Variants in C16orf90 observed in about 807,000 individuals in gnomAD.
C16orf90 encodes the protein chromosome 16 open reading frame 90, also known as uncharacterized protein C16orf90.
C16orf90 carries 17 observed loss-of-function variants against 17.1 expected under a neutral mutation model. The ratio of observed to expected loss-of-function variants is 1.00; its 90% confidence interval spans 0.68 to 1.49. C16orf90 has a LOEUF of 1.49. Among genes scored for constraint, C16orf90 ranks in the 40% most tolerant of loss-of-function variants. The pLI is 0.00. For synonymous variants in C16orf90, 108 were observed against 95.8 expected, an observed-to-expected ratio of 1.13 and a Z score of -0.75; for missense variants, 255 against 235.5, an observed-to-expected ratio of 1.08 and a Z score of -0.54.
rs1596374930 is a variant in C16orf90, at chr16:3,493,649, G to T, written c.*190C>A. On this transcript the variant is annotated 3_prime_UTR_variant, in exon 3 of 3. Transcript: ENST00000437192. ...GCACGGCCATGCTTCTATTGCTTCT[G>T]CCCCTCCCTCGGAACCTCCTCCTCC... The T allele has an allele frequency of 3.9e-6, 2 of 510,840 alleles. No individual in the cohort carries two copies. The highest frequency in any genetic ancestry group is 3.1e-5 in the Admixed American group (1 of 32,158). 31.6% of individuals were successfully genotyped at this position (510,840 alleles called of 1,614,324 possible).
At chr16:3,495,327 G>A (rs1409735422) in intron 1 of C16orf90, 49 bp downstream of exon 1, 5 of 1,571,286 alleles carry the variant, frequency 3.2e-6, no homozygotes, top group South Asian at 1.2e-5. Context: ...GCCCAGGTGG[G>A]GACAGAAGCC....
At chr16:3,496,261 C>A, upstream of C16orf90, 1 of 711,454 alleles carries the variant, frequency 1.4e-6, no homozygotes, top group Non-Finnish European at 2.5e-6. Context: ...GCCCAAGAGC[C>A]AGGATATCTA....
At chr16:3,495,925 G>A (rs1170968016), upstream of C16orf90, among the ~76,000 whole-genome samples, 2 of 152,124 alleles carry the variant, frequency 1.3e-5, no homozygotes, top group Non-Finnish European at 2.9e-5. Context: ...CGGATCATGA[G>A]GTCAGGAGAT....
Position 3,493,515 on chromosome 16 carries a change from T to C in C16orf90, c.*324A>G, listed in dbSNP as rs1478828665. 1 of 237,690 alleles carries C rather than the reference T, an allele frequency of 4.2e-6. No homozygotes were observed. Among genetic ancestry groups the C allele is most frequent in the Admixed American group, 4.5e-5 (1 of 22,058 alleles). The allele number at this position is 237,690 out of a possible 1,614,324, so 14.7% of individuals were successfully genotyped here. A position where few individuals can be genotyped will look rare whatever the true frequency, so the allele number is the denominator to read the frequency against. ...CCTTGGCTTTTATTGAGATCAGAGC[T>C]GTGGGCTCCCCGGCCTCTCAGGGAG... On this transcript the variant is annotated 3_prime_UTR_variant, in exon 3 of 3. Coordinates refer to ENST00000437192, the MANE Select transcript of C16orf90 (RefSeq NM_001080524.2).
rs747438619 is a variant in C16orf90, at chr16:3,494,820, T to C, written c.104A>G (p.Tyr35Cys). The C allele has an allele frequency of 4.5e-6, 7 of 1,565,188 alleles. No homozygotes were observed. Among genetic ancestry groups the C allele is most frequent in the African/African-American group, 1.4e-5 (1 of 72,904 alleles). Residue 35 changes from tyrosine to cysteine, a missense_variant, in exon 2 of 3, where the codon TAC becomes TGC. Coordinates refer to ENST00000437192, the MANE Select transcript of C16orf90 (RefSeq NM_001080524.2). ...CTGCGGGGACCCCAGGCCCCCCTCGTAGATGTTGGGGGGTGCGTCAGGGTG... is the reference window on the plus strand; with the variant it reads ...CTGCGGGGACCCCAGGCCCCCCTCGCAGATGTTGGGGGGTGCGTCAGGGTG... Reference protein sequence around the residue: ...PGHPDAPPNIYEGGLGSPQPQ... With the variant: ...PGHPDAPPNICEGGLGSPQPQ...
upstream of C16orf90, chr16:3,495,501 T>G (rs771039075): frequency 1.5e-5 from 24 of 1,563,186 alleles, no homozygotes; most frequent in African/African-American, 2.8e-4. Flanking sequence ...GGGGGTACAT[T>G]GGCAGGTCTC....
rs927446304 is a variant in C16orf90 at position 3,495,412 on chromosome 16, A to G, written c.10T>C (p.Leu4=). The G allele has an allele frequency of 1.2e-6, 2 of 1,610,382 alleles. No individual in the cohort carries two copies. Among genetic ancestry groups the G allele is most frequent in the African/African-American group, 2.7e-5 (2 of 74,874 alleles). Residue 4 remains leucine (L), a synonymous_variant, in exon 1 of 3, where the codon TTG becomes CTG. Transcript: ENST00000437192. The part of the protein sequence containing the change: MEA[L]VCAFSELHIR... ...TGCAGCTCAGAAAATGCACAGACCA[A>G]GGCTTCCATGGAGGGCCAGTGTGGT...
rs1032090342 is a variant in C16orf90, at chr16:3,494,729, C to T, written c.195G>A (p.Leu65=). The T allele has an allele frequency of 1.2e-6, 2 of 1,607,252 alleles. No individual in the cohort carries two copies. Among genetic ancestry groups the T allele is most frequent in the Admixed American group, 3.4e-5 (2 of 59,506 alleles). The change falls in exon 2 of 3, where the codon CTG becomes CTA. Residue 65 remains leucine (L), a synonymous_variant. Transcript: ENST00000437192. ...KNFRLRHLRG[L]GLYLESHPPP... ...GCGGGTGGCTCTCCAGGTAGAGGCC[C>T]AGGCCCCGGAGGTGGCGCAGCCGGA... is the stretch of plus-strand genomic sequence containing the variant.
At position 3,494,888 on chromosome 16, in the gene C16orf90, G is replaced by T; in HGVS notation, c.47-11C>A. On this transcript the variant is annotated splice_polypyrimidine_tract_variant and intron_variant, in intron 1 of 2. Coordinates refer to ENST00000437192, the MANE Select transcript of C16orf90 (RefSeq NM_001080524.2). ...CCTGGCTCACTGCATCTGCAGAGGAGACAGCGGGAGGGTGGTGGCCAGCCC... is the reference window on the plus strand; with the variant it reads ...CCTGGCTCACTGCATCTGCAGAGGATACAGCGGGAGGGTGGTGGCCAGCCC... 2.0e-6 allele frequency: 3 copies of T among 1,497,428 alleles called. No homozygotes were observed. In the East Asian group the frequency reaches 6.8e-5, roughly 34 times the overall value. The allele number at this position is 1,497,428 out of a possible 1,614,324, so 92.8% of individuals were successfully genotyped here. A position where few individuals can be genotyped will look rare whatever the true frequency, so the allele number is the denominator to read the frequency against.
Position 3,493,645 on chromosome 16 carries a change from T to G in C16orf90, c.*194A>C. 1 of 511,202 alleles carries G rather than the reference T, an allele frequency of 2.0e-6. No individual in the cohort carries two copies. The highest frequency in any genetic ancestry group is 3.5e-6 in the Non-Finnish European group (1 of 283,454). The allele number at this position is 511,202 out of a possible 1,614,324, so 31.7% of individuals were successfully genotyped here. ...AAGGGCACGGCCATGCTTCTATTGC[T>G]TCTGCCCCTCCCTCGGAACCTCCTC... On this transcript the variant is annotated 3_prime_UTR_variant, in exon 3 of 3. Coordinates refer to ENST00000437192, the MANE Select transcript of C16orf90 (RefSeq NM_001080524.2).
chr16:3,496,591 C>T (rs1042527937), upstream of C16orf90: 2 of 535,658 alleles, frequency 3.7e-6, no homozygotes, highest in Admixed American at 2.0e-5. Flanking sequence ...TGGCCCTGGA[C>T]TCCCTCAAGG....
chr16:3,494,038 G>A (rs1466494252), intron 2 of C16orf90, 51 bp from the exon 3 acceptor site: 1 of 1,515,562 alleles, frequency 6.6e-7, no homozygotes, highest in East Asian at 2.3e-5. Context: ...AGGGGAGGCT[G>A]GGGGGGAGGC....
At chr16:3,496,202 T>G, upstream of C16orf90, 2 of 559,690 alleles carry the variant, frequency 3.6e-6, no homozygotes, top group Non-Finnish European at 3.5e-6. Context: ...AGCGCCATCA[T>G]GGGAGCTGAC....
Position 3,493,855 on chromosome 16 carries a change from G to A in C16orf90, c.533C>T (p.Ala178Val), listed in dbSNP as rs1349060186. ...TCGGGATCCCTATGGCCTCTCCAGG[G>A]CCCCAGAGCGGGTTCTCTTGCACAA... is the stretch of plus-strand genomic sequence containing the variant. ...CPLCKRTRSG[A>V]LERP The change falls in exon 3 of 3, where the codon GCC becomes GTC. Residue 178 changes from alanine to valine, a missense_variant. Transcript: ENST00000437192. The A allele has an allele frequency of 1.2e-6, 2 of 1,603,892 alleles. No homozygotes were observed. Among genetic ancestry groups the A allele is most frequent in the Non-Finnish European group, 1.7e-6 (2 of 1,175,692 alleles).
Position 3,494,515 on chromosome 16 carries a change from A to G in C16orf90, c.400+9T>C. On this transcript the variant is annotated intron_variant, in intron 2 of 2. Transcript: ENST00000437192. ...CCCCCGTGCCCAGTCCTGCCTTGACAGAGCTCACCACTGCTTCCCAGGCTG... is the reference window on the plus strand; with the variant it reads ...CCCCCGTGCCCAGTCCTGCCTTGACGGAGCTCACCACTGCTTCCCAGGCTG... 1 of 1,611,004 alleles carries G rather than the reference A, an allele frequency of 6.2e-7. No homozygotes were observed. The highest frequency in any genetic ancestry group is 8.5e-7 in the Non-Finnish European group (1 of 1,178,444).
upstream of C16orf90, among the ~76,000 whole-genome samples, chr16:3,495,926 G>A (rs1379448626): frequency 6.6e-6 from 1 of 152,166 alleles, no homozygotes; most frequent in Non-Finnish European, 1.5e-5. Context: ...GGATCATGAG[G>A]TCAGGAGATC....
intron 2 of C16orf90, among the ~76,000 whole-genome samples, chr16:3,494,262 C>T (rs1261069761): frequency 2.0e-5 from 3 of 152,172 alleles, no homozygotes; most frequent in South Asian, 2.1e-4. Context: ...GGCCCCTCAC[C>T]GAGTGTGGAG....
chr16:3,495,277 C>T (rs2037292164), intron 1 of C16orf90, 99 bp downstream of exon 1: 2 of 1,405,474 alleles, frequency 1.4e-6, no homozygotes, highest in Non-Finnish European at 2.0e-6. Flanking sequence ...ATTCCCCTCT[C>T]CCAAGCATAC....
rs1235537746 is a variant in C16orf90 at position 3,495,448 on chromosome 16, A to G, written c.-27T>C. ...GAGGGCCAGTGTGGTGGGGAGGAGCAACCAGGACTTGGGTGCAGCAGGGCC... is the reference window on the plus strand; with the variant it reads ...GAGGGCCAGTGTGGTGGGGAGGAGCGACCAGGACTTGGGTGCAGCAGGGCC... On this transcript the variant is annotated 5_prime_UTR_variant, in exon 1 of 3. Transcript: ENST00000437192. 6.2e-7 allele frequency: 1 copy of G among 1,606,578 alleles called. No homozygotes were observed. Among genetic ancestry groups the G allele is most frequent in the Non-Finnish European group, 8.5e-7 (1 of 1,176,270 alleles).
Sources: allele counts gnomAD v4.1 joint callset (sites outside exome capture counted in the v4.1 genomes callset), GRCh38; gene constraint gnomAD v4.1.1; transcripts MANE v1.5; gene names NCBI Gene and HGNC (gene_info 2026-07-23, HGNC 2026-07-21).